The following HERC3 variants were observed in gnomAD, a reference collection of about 807,000 sequenced individuals.
HERC3 encodes HECT and RLD domain containing E3 ubiquitin protein ligase 3.
A neutral mutation model predicts 129.9 loss-of-function variants in HERC3; 58 were observed. The observed-to-expected ratio is 0.45, with a 90% CI of 0.36 to 0.56. The LOEUF (loss-of-function observed/expected upper bound fraction) is 0.56, where lower values mean the gene tolerates loss of function less well. HERC3 is among the 20% of genes least tolerant of loss of function. The pLI, the probability that HERC3 is intolerant of heterozygous loss-of-function variation, is 0.00. For synonymous variants in HERC3, 430 were observed against 451.0 expected, an observed-to-expected ratio of 0.95 and a Z score of 0.59; for missense variants, 835 against 1,244.2, an observed-to-expected ratio of 0.67 and a Z score of 4.95.
chr4:88,682,292 AT>A (rs1159663789), intron 21 of HERC3, among the ~76,000 whole-genome samples: 7 of 151,726 alleles, frequency 4.6e-5, no homozygotes, highest in Non-Finnish European at 7.4e-5. Flanking sequence ...GTAGAGCCAC[AT>A]TTTTTTTATA....
chr4:88,548,805 C>T, the HERC3 span, among the ~76,000 whole-genome samples: 19 of 151,934 alleles, frequency 1.3e-4, no homozygotes, highest in Non-Finnish European at 2.4e-4. Context: ...GGACTACAGG[C>T]GCACACCACC....
chr4:88,536,458 T>TACTC, the HERC3 span, among the ~76,000 whole-genome samples: 5 of 152,220 alleles, frequency 3.3e-5, no homozygotes, highest in East Asian at 3.9e-4. Flanking sequence ...CCCCGACACA[T>TACTC]ACTCACTCAC....
At chr4:88,543,101 G>C in the HERC3 span, among the ~76,000 whole-genome samples, 1 of 152,154 alleles carries the variant, frequency 6.6e-6, no homozygotes, top group Admixed American at 6.5e-5. Context: ...AATTAGGCAA[G>C]AGAAAGAAAT....
the HERC3 span, among the ~76,000 whole-genome samples, chr4:88,558,487 G>C: frequency 6.6e-6 from 1 of 152,106 alleles, no homozygotes; most frequent in African/African-American, 2.4e-5. Context: ...TAATGGACCT[G>C]GTGGACTTGA....
At chr4:88,602,216 C>A (rs1197122171) in intron 2 of HERC3, among the ~76,000 whole-genome samples, 2 of 151,772 alleles carry the variant, frequency 1.3e-5, no homozygotes, top group Non-Finnish European at 2.9e-5. Flanking sequence ...GCCTGCCCAA[C>A]ATGGCGAAAC....
Position 88,686,764 on chromosome 4 carries a change from G to A in HERC3, c.2536G>A (p.Gly846Arg), listed in dbSNP as rs751268419. ...TCTCCAAGAGCTTTTAGATTACCCC[G>A]GGGAGGATGTGGAGGAGACTTTCTG... The part of the protein sequence containing the change: ...RSLQELLDYP[G>R]EDVEETFCLN... The change falls in exon 22 of 26, where the codon GGG becomes AGG. Residue 846 changes from glycine (G) to arginine (R), a missense_variant. Gly to Arg is a moderately radical substitution (Grantham distance 125, BLOSUM62 -2). Coordinates refer to ENST00000402738, the MANE Select transcript of HERC3 (RefSeq NM_014606.3). The A allele has an allele frequency of 4.3e-6, 7 of 1,611,240 alleles. No homozygotes were observed. The highest frequency in any genetic ancestry group is 2.2e-5 in the East Asian group (1 of 44,814).
In HERC3 at chr4:88,593,861, C is replaced by A. The variant is rs531024379; in HGVS notation, c.-88+1287C>A. On this transcript the variant is annotated intron_variant, in intron 1 of 25. Coordinates refer to ENST00000402738, the MANE Select transcript of HERC3 (RefSeq NM_014606.3). Reference sequence around the variant, plus strand: ...AGTCGGCAGATTACTGTGAAGCTCTCTCCTTTTGTACTTTCCTTTACCCTG... The same window carrying A: ...AGTCGGCAGATTACTGTGAAGCTCTATCCTTTTGTACTTTCCTTTACCCTG... Among the ~76,000 whole-genome samples the A allele has an allele frequency of 5.3e-5, 8 of 152,342 alleles. No individual in the cohort carries two copies. The East Asian group carries it at 1.5e-3, about 29-fold the overall frequency.
intron 23 of HERC3, among the ~76,000 whole-genome samples, chr4:88,699,589 A>G (rs1735138667): frequency 6.6e-6 from 1 of 151,620 alleles, no homozygotes; most frequent in Non-Finnish European, 1.5e-5. Flanking sequence ...AGAAGCAAAT[A>G]CAGTGAAATC....
the HERC3 span, among the ~76,000 whole-genome samples, chr4:88,576,169 T>G: frequency 6.6e-6 from 1 of 152,168 alleles, no homozygotes; most frequent in South Asian, 2.1e-4. Flanking sequence ...TCTACAGCCA[T>G]CATCTGAACC....
At chr4:88,676,078 G>T in intron 16 of HERC3, 140 bp from the exon 17 acceptor site, 2 of 599,768 alleles carry the variant, frequency 3.3e-6, no homozygotes, top group Non-Finnish European at 5.8e-6. Flanking sequence ...TCAAAATTTA[G>T]TCAGCCATTC....
chr4:88,606,012 G>A lies in HERC3; in HGVS notation c.189G>A (p.Lys63=), dbSNP rs1287704169. The change falls in exon 3 of 26, where the codon AAG becomes AAA. Residue 63 remains lysine (K), a synonymous_variant. Coordinates refer to ENST00000402738, the MANE Select transcript of HERC3 (RefSeq NM_014606.3). ...TTTACACATGTGGTTTGAACACCAA[G>A]GGGCAACTGGGCCATGAGAGGGAAG... ...GEVYTCGLNT[K]GQLGHEREGN... 3.1e-6 allele frequency: 5 copies of A among 1,614,090 alleles called. No individual in the cohort carries two copies. Among genetic ancestry groups the A allele is most frequent in the Admixed American group, 3.3e-5 (2 of 60,022 alleles).
At position 88,687,289 on chromosome 4, in the gene HERC3, A is replaced by G; in HGVS notation, c.2647A>G (p.Lys883Glu). ...IPGGDNVTVC[K>E]DNRQEFVDAY... ...TGGGGGAGATAATGTAACTGTGTGC[A>G]AGGATAACAGGTTAGTCCTGACCTT... The change falls in exon 23 of 26, where the codon AAG (lysine) becomes GAG (glutamate). Residue 883 changes from lysine to glutamate, a missense_variant. By Grantham distance (56) the Lys-to-Glu change is moderately conservative (BLOSUM62 1). Coordinates refer to ENST00000402738, the MANE Select transcript of HERC3 (RefSeq NM_014606.3). The G allele has an allele frequency of 6.2e-7, 1 of 1,610,658 alleles. No homozygotes were observed. Among genetic ancestry groups the G allele is most frequent in the Non-Finnish European group, 8.5e-7 (1 of 1,177,086 alleles).
chr4:88,542,277 A>G, the HERC3 span, among the ~76,000 whole-genome samples: 1 of 152,222 alleles, frequency 6.6e-6, no homozygotes, highest in Non-Finnish European at 1.5e-5. Context: ...CCAATCCCAC[A>G]GAAATACAAA....
At chr4:88,553,289 T>A in the HERC3 span, among the ~76,000 whole-genome samples, 7 of 152,144 alleles carry the variant, frequency 4.6e-5, no homozygotes, top group African/African-American at 1.7e-4. Context: ...CTAGAATAAG[T>A]TTGAATCTAA....
the HERC3 span, among the ~76,000 whole-genome samples, chr4:88,578,503 A>T: frequency 1.3e-5 from 2 of 151,556 alleles, no homozygotes; most frequent in Non-Finnish European, 2.9e-5. Context: ...AATTGCTTGA[A>T]CCCGGGGGGT....
At chr4:88,597,078 G>T (rs1377942060) in intron 2 of HERC3, among the ~76,000 whole-genome samples, 1 of 151,930 alleles carries the variant, frequency 6.6e-6, no homozygotes, top group African/African-American at 2.4e-5. Context: ...ATGGATATTT[G>T]TTTTTTGTTT....
rs149464959 is a variant in HERC3 at position 88,667,951 on chromosome 4, T to C, written c.1503T>C (p.Val501=). Residue 501 remains valine, a synonymous_variant, in exon 14 of 26, where the codon GTT becomes GTC. Transcript: ENST00000402738. The part of the protein sequence containing the change: ...IPQLSSSPPD[V]EAMRIYLILP... ...AGTTGTCAAGCTCACCACCAGATGTTGAAGCCATGAGAATCTATTTAATAC... is the reference window on the plus strand; with the variant it reads ...AGTTGTCAAGCTCACCACCAGATGTCGAAGCCATGAGAATCTATTTAATAC... 21 of 1,613,468 alleles carry C rather than the reference T, an allele frequency of 1.3e-5. No homozygotes were observed. The highest frequency in any genetic ancestry group is 1.8e-5 in the Non-Finnish European group (21 of 1,179,558).
At chr4:88,685,218 A>C (rs1733288993) in intron 21 of HERC3, among the ~76,000 whole-genome samples, 1 of 152,218 alleles carries the variant, frequency 6.6e-6, no homozygotes, top group Non-Finnish European at 1.5e-5. Context: ...CAGAAATACC[A>C]TTTGACCCAG....
chr4:88,683,426 G>T (rs1733031736), intron 21 of HERC3, among the ~76,000 whole-genome samples: 1 of 152,196 alleles, frequency 6.6e-6, no homozygotes, highest in Non-Finnish European at 1.5e-5. Context: ...ATACTAAAAA[G>T]TGGCACAGGA....
Sources: allele counts gnomAD v4.1 joint callset (sites outside exome capture counted in the v4.1 genomes callset), GRCh38; gene constraint gnomAD v4.1.1; transcripts MANE v1.5; gene names NCBI Gene and HGNC (gene_info 2026-07-23, HGNC 2026-07-21).